Variants in CPAP observed in about 807,000 individuals in gnomAD.
CPAP encodes centrosome assembly and centriole elongation protein, also known as centrosomal P4.1-associated protein.
At chr13:24,928,586 A>G in the CPAP span, among the ~76,000 whole-genome samples, 1 of 152,114 alleles carries the variant, frequency 6.6e-6, no homozygotes, top group Non-Finnish European at 1.5e-5. Context: ...ACACACCACT[A>G]TGCCTGGCTA....
the CPAP span, chr13:24,883,058 AT>A: frequency 1.1e-6 from 1 of 922,158 alleles, no homozygotes; most frequent in Non-Finnish European, 1.7e-6. Context: ...GTAAACTTTT[AT>A]TTTAGAATCT....
chr13:24,932,111 C>A, the CPAP span, among the ~76,000 whole-genome samples: 779 of 152,334 alleles, frequency 5.1e-3, 12 homozygotes, highest in African/African-American at 0.018. Context: ...GAACCGCAAT[C>A]CCCAAACTAA....
chr13:24,912,637 G>C, the CPAP span: 2 of 1,613,566 alleles, frequency 1.2e-6, no homozygotes, highest in Admixed American at 1.7e-5. Context: ...GAATTCACTC[G>C]CAAGATCTGG....
chr13:24,904,610 T>C, the CPAP span, among the ~76,000 whole-genome samples: 2 of 152,186 alleles, frequency 1.3e-5, no homozygotes, highest in Non-Finnish European at 2.9e-5. Context: ...TAAAACTACA[T>C]AGAAAAAATG....
At chr13:24,904,137 G>A in the CPAP span, 1 of 1,497,190 alleles carries the variant, frequency 6.7e-7, no homozygotes, top group Non-Finnish European at 9.2e-7. Context: ...GTAACACTAA[G>A]AGCCAAGAAT....
chr13:24,918,606 AAAT>A, the CPAP span, among the ~76,000 whole-genome samples: 7 of 147,366 alleles, frequency 4.8e-5, no homozygotes, highest in South Asian at 1.2e-3. Context: ...AAAGTTAAGA[AAAT>A]AATAAAAAAT....
the CPAP span, chr13:24,913,091 C>A: frequency 2.1e-6 from 3 of 1,419,846 alleles, no homozygotes; most frequent in South Asian, 2.4e-5. Context: ...ATTTCCAACA[C>A]CTGTAGACAA....
At chr13:24,884,329 TTGGTC>T in the CPAP span, 1 of 1,614,030 alleles carries the variant, frequency 6.2e-7, no homozygotes, top group African/African-American at 1.3e-5. Context: ...ATACCACTCT[TTGGTC>T]TGGCATGACC....
At chr13:24,909,951 T>C in the CPAP span, 8 of 1,614,092 alleles carry the variant, frequency 5.0e-6, no homozygotes, top group South Asian at 3.3e-5. Flanking sequence ...GGATAAAATG[T>C]TGGACGGGTA....
At chr13:24,886,429 A>G in the CPAP span, 2 of 1,167,776 alleles carry the variant, frequency 1.7e-6, no homozygotes, top group Non-Finnish European at 2.3e-6. Context: ...GAAATCACTG[A>G]TTTATAGGTC....
the CPAP span, chr13:24,906,896 C>T: frequency 5.0e-6 from 8 of 1,613,944 alleles, no homozygotes; most frequent in Non-Finnish European, 4.2e-6. Context: ...TCTAGCTAAA[C>T]CTTCTCCTCG....
At chr13:24,933,678 G>A in the CPAP span, 1 of 152,360 alleles carries the variant, frequency 6.6e-6, no homozygotes, top group East Asian at 1.9e-4. Context: ...TCAGATAACA[G>A]GATTTCACAA....
chr13:24,908,608 T>TAAAAG, the CPAP span, among the ~76,000 whole-genome samples: 568 of 110,358 alleles, frequency 5.1e-3, 2 homozygotes, highest in African/African-American at 0.018. Context: ...TAAAATAAAA[T>TAAAAG]AAAATAAAGA....
At chr13:24,893,542 G>T in the CPAP span, among the ~76,000 whole-genome samples, 1 of 152,238 alleles carries the variant, frequency 6.6e-6, no homozygotes, top group Non-Finnish European at 1.5e-5. Context: ...CGGCAGCCTG[G>T]TGAGGATGGA....
At chr13:24,882,995 A>AAAT in the CPAP span, 26 of 616,192 alleles carry the variant, frequency 4.2e-5, no homozygotes, top group African/African-American at 4.4e-4. Context: ...AGTGAATTAT[A>AAAT]AATGAGAGCT....
the CPAP span, chr13:24,909,777 A>T: frequency 6.2e-7 from 1 of 1,607,012 alleles, no homozygotes; most frequent in Non-Finnish European, 8.5e-7. Flanking sequence ...AGAGAGAAAC[A>T]TAAGTAGCTC....
the CPAP span, among the ~76,000 whole-genome samples, chr13:24,892,078 C>T: frequency 3.3e-5 from 5 of 152,216 alleles, no homozygotes; most frequent in Non-Finnish European, 5.9e-5. Flanking sequence ...TTTCTTCCAC[C>T]ACTGGAATGT....
the CPAP span, among the ~76,000 whole-genome samples, chr13:24,913,275 G>A: frequency 2.0e-5 from 3 of 151,954 alleles, no homozygotes; most frequent in African/African-American, 7.3e-5. Flanking sequence ...ACCAAATTGA[G>A]TAGATCAAAA....
the CPAP span, chr13:24,906,840 G>A: frequency 3.1e-6 from 5 of 1,614,050 alleles, no homozygotes; most frequent in Non-Finnish European, 4.2e-6. Flanking sequence ...TTAGTCACTA[G>A]TTTACTTTCT....
Sources: gnomAD v4.1 joint callset for allele counts (sites outside exome capture counted in the v4.1 genomes callset) on GRCh38, gnomAD v4.1.1 for gene constraint, MANE v1.5 for transcripts, NCBI Gene and HGNC (gene_info 2026-07-23, HGNC 2026-07-21) for gene names.